ADAM12: variants seen among roughly 807,000 people sequenced by gnomAD.
ADAM12 encodes disintegrin and metalloproteinase domain-containing protein 12.
A neutral mutation model predicts 106.4 loss-of-function variants in ADAM12; 70 were observed. The ratio of observed to expected loss-of-function variants is 0.66; its 90% confidence interval spans 0.54 to 0.80. The LOEUF is 0.80. Among genes scored for constraint, ADAM12 ranks in the 30% least tolerant of loss-of-function variants. ADAM12 has a pLI of 0.00. For missense variants in ADAM12, 1,010 were observed against 1,171.9 expected (o/e 0.86, Z 2.02); for synonymous variants, 420 against 433.5 (o/e 0.97, Z 0.39).
chr10:126,089,367 G>A (rs1187175115), intron 11 of ADAM12, among the ~76,000 whole-genome samples: 1 of 152,112 alleles, frequency 6.6e-6, no homozygotes, highest in Non-Finnish European at 1.5e-5. Context: ...CGAGTGTGCT[G>A]GTGAAGGATC....
At position 126,017,268 on chromosome 10, in the gene ADAM12, G is replaced by C. The variant is rs778798009; in HGVS notation, c.*11C>G. 1.9e-6 allele frequency: 3 copies of C among 1,586,742 alleles called. No homozygotes were observed. Among genetic ancestry groups the C allele is most frequent in the Non-Finnish European group, 2.6e-6 (3 of 1,165,230 alleles). ...CTTCTGTCTTCACTGTTGAAAAAAG[G>C]TGTCGGCTTCTCACTTAATATAGGC... On this transcript the variant is annotated 3_prime_UTR_variant, in exon 23 of 23. Coordinates refer to ENST00000448723, the MANE Select transcript of ADAM12 (RefSeq NM_001288973.2).
intron 1 of ADAM12, among the ~76,000 whole-genome samples, chr10:126,351,877 C>A (rs578182896): frequency 1.3e-5 from 2 of 152,250 alleles, no homozygotes; most frequent in Non-Finnish European, 2.9e-5. Context: ...CTCATCTGGC[C>A]TTTGGACACA....
chr10:126,090,308 T>A (rs1955438674), intron 11 of ADAM12, among the ~76,000 whole-genome samples: 1 of 97,602 alleles, frequency 1.0e-5, no homozygotes, highest in South Asian at 4.1e-4. Flanking sequence ...ACAGAAACTT[T>A]CTGCAAAAAA....
At chr10:126,188,401 G>A (rs377016242) in intron 3 of ADAM12, among the ~76,000 whole-genome samples, 1 of 152,178 alleles carries the variant, frequency 6.6e-6, no homozygotes, top group East Asian at 1.9e-4. Context: ...CACATAAAAC[G>A]TGCATCGAAA....
intron 3 of ADAM12, among the ~76,000 whole-genome samples, chr10:126,192,286 G>A (rs547521912): frequency 6.6e-6 from 1 of 152,286 alleles, no homozygotes; most frequent in African/African-American, 2.4e-5. Context: ...CATAAAATGT[G>A]TAGAATAGTG....
At chr10:126,145,773 TGATA>T (rs2133701428) in intron 4 of ADAM12, among the ~76,000 whole-genome samples, 1 of 152,352 alleles carries the variant, frequency 6.6e-6, no homozygotes, top group East Asian at 1.9e-4. Flanking sequence ...TGCCTGTTGT[TGATA>T]TTTACTCAAT....
At chr10:126,089,647 C>T (rs185691301) in intron 11 of ADAM12, among the ~76,000 whole-genome samples, 1 of 152,304 alleles carries the variant, frequency 6.6e-6, no homozygotes, top group African/African-American at 2.4e-5. Flanking sequence ...AATCCACGTT[C>T]CTGCTCTGGC....
At chr10:126,211,186 TG>T in intron 3 of ADAM12, among the ~76,000 whole-genome samples, 1 of 152,260 alleles carries the variant, frequency 6.6e-6, no homozygotes, top group Non-Finnish European at 1.5e-5. Flanking sequence ...AGAATGAAGG[TG>T]GAGCTTCCCT....
intron 3 of ADAM12, among the ~76,000 whole-genome samples, chr10:126,161,825 T>C (rs1163081210): frequency 6.6e-6 from 1 of 152,132 alleles, no homozygotes; most frequent in African/African-American, 2.4e-5. Flanking sequence ...AGCCTGCAGA[T>C]TTCCCCAAAG....
chr10:126,200,458 T>C (rs1365397411), intron 3 of ADAM12, among the ~76,000 whole-genome samples: 1 of 152,102 alleles, frequency 6.6e-6, no homozygotes, highest in East Asian at 1.9e-4. Context: ...AACCAGAATT[T>C]TGGAGTCAGA....
chr10:126,372,033 CAG>C (rs1234330430), intron 1 of ADAM12, among the ~76,000 whole-genome samples: 2 of 152,198 alleles, frequency 1.3e-5, no homozygotes, highest in African/African-American at 4.8e-5. Context: ...TCCTGGTTAA[CAG>C]AGATGCCCCT....
intron 5 of ADAM12, among the ~76,000 whole-genome samples, chr10:126,132,018 C>T (rs1956314181): frequency 6.6e-6 from 1 of 150,854 alleles, no homozygotes; most frequent in African/African-American, 2.4e-5. Flanking sequence ...ACTCTGTCAC[C>T]AGGTTGGAGT....
At chr10:126,187,368 G>A (rs1015898010) in intron 3 of ADAM12, among the ~76,000 whole-genome samples, 13 of 151,582 alleles carry the variant, frequency 8.6e-5, no homozygotes, top group African/African-American at 1.7e-4. Context: ...AATACCAAGC[G>A]GCTTTTTGCT....
intron 11 of ADAM12, among the ~76,000 whole-genome samples, chr10:126,084,638 T>C (rs1178034261): frequency 6.6e-6 from 1 of 152,208 alleles, no homozygotes; most frequent in Non-Finnish European, 1.5e-5. Flanking sequence ...GGTAGATATC[T>C]ACAAGCCTGC....
At chr10:126,377,390 T>C (rs576127821) in intron 1 of ADAM12, among the ~76,000 whole-genome samples, 23 of 152,282 alleles carry the variant, frequency 1.5e-4, no homozygotes, top group East Asian at 3.9e-4. Context: ...CGGAGTCCGA[T>C]GTTCAAGGGA....
At chr10:126,025,926 A>C (rs1038976465) in intron 21 of ADAM12, among the ~76,000 whole-genome samples, 2 of 152,236 alleles carry the variant, frequency 1.3e-5, no homozygotes, top group African/African-American at 4.8e-5. Context: ...GGTCCCCTAC[A>C]AAGGAAAGCC....
At chr10:126,119,692 A>G (rs1397336989) in intron 5 of ADAM12, among the ~76,000 whole-genome samples, 1 of 152,168 alleles carries the variant, frequency 6.6e-6, no homozygotes, top group African/African-American at 2.4e-5. Flanking sequence ...TTTGCTGAAG[A>G]CTCTAACTTG....
rs190288704 is a variant in ADAM12, at chr10:126,264,358, G to T, written c.260+14557C>A. ...CTGAAGAAGTGGCCTTAGAAGGGCT[G>T]TGAAAATAACTCTTTCTAAATAAAT... On this transcript the variant is annotated intron_variant, in intron 3 of 22. Coordinates refer to ENST00000448723, the MANE Select transcript of ADAM12 (RefSeq NM_001288973.2). Among the ~76,000 whole-genome samples the T allele has an allele frequency of 8.0e-3, 1,225 of 152,318 alleles. 13 individuals are homozygous for T. The highest frequency in any genetic ancestry group is 8.8e-3 in the Non-Finnish European group (598 of 68,036).
chr10:126,342,069 G>A (rs1051625769), intron 1 of ADAM12, among the ~76,000 whole-genome samples: 6 of 152,156 alleles, frequency 3.9e-5, no homozygotes, highest in Non-Finnish European at 5.9e-5. Context: ...CCCCATGCCC[G>A]ACAGCAGGAA....
Sources: gnomAD v4.1 joint callset for allele counts (sites outside exome capture counted in the v4.1 genomes callset) on GRCh38, gnomAD v4.1.1 for gene constraint, MANE v1.5 for transcripts, NCBI Gene and HGNC (gene_info 2026-07-23, HGNC 2026-07-21) for gene names.